Variants in KAT2A observed in about 807,000 individuals in gnomAD.
KAT2A encodes lysine acetyltransferase 2A, also known as histone acetyltransferase KAT2A.
A neutral mutation model predicts 95.2 loss-of-function variants in KAT2A; 42 were observed. That is an observed-to-expected ratio of 0.44 (90% CI 0.34 to 0.57). KAT2A has a LOEUF of 0.57. KAT2A is among the 20% of genes least tolerant of loss of function. KAT2A has a pLI of 0.01. For missense variants in KAT2A, 784 were observed against 1,126.3 expected (o/e 0.70, Z 4.35); for synonymous variants, 449 against 448.2 (o/e 1.00, Z -0.02).
Position 42,119,445 on chromosome 17 carries a change from G to C in KAT2A, c.882-9C>G. 1 of 1,601,874 alleles carries C rather than the reference G, an allele frequency of 6.2e-7. No homozygotes were observed. The highest frequency in any genetic ancestry group is 8.5e-7 in the Non-Finnish European group (1 of 1,171,214). On this transcript the variant is annotated splice_polypyrimidine_tract_variant and intron_variant, in intron 5 of 17. Transcript: ENST00000225916. This position sits in a 1 kb window ranked among gnomAD's most constrained non-coding sequence, Gnocchi z 5.3. The stretch of plus-strand genomic sequence containing the variant: ...GGCAGTAACAGAGCCATCTGGAGTA[G>C]GGGGTCGAGGGGGAGACAGGTGAGG...
In KAT2A at chr17:42,119,822, C is replaced by T. The variant is rs1361311206; in HGVS notation, c.700-104G>A. 3 of 1,085,900 alleles carry T rather than the reference C, an allele frequency of 2.8e-6. No individual in the cohort carries two copies. Among genetic ancestry groups the T allele is most frequent in the Non-Finnish European group, 4.0e-6 (3 of 756,386 alleles). The allele number at this position is 1,085,900 out of a possible 1,614,324, so 67.3% of individuals were successfully genotyped here. A position where few individuals can be genotyped will look rare whatever the true frequency, so the allele number is the denominator to read the frequency against. On this transcript the variant is annotated intron_variant, in intron 4 of 17. Coordinates refer to ENST00000225916, the MANE Select transcript of KAT2A (RefSeq NM_021078.3). The surrounding 1 kb of genome is among the most constrained non-coding windows in gnomAD (Gnocchi z 5.3). Reference sequence around the variant, plus strand: ...GCTCCCTGGCCAGGGACAAGGTTCTCCTTCTCCTCTCTCTCTCGGGTGCTC... The same window carrying T: ...GCTCCCTGGCCAGGGACAAGGTTCTTCTTCTCCTCTCTCTCTCGGGTGCTC...
intron 7 of KAT2A, 85 bp from the exon 8 acceptor site, chr17:42,118,102 G>A (rs2054287304): frequency 1.7e-6 from 1 of 572,814 alleles, no homozygotes; most frequent in Non-Finnish European, 2.5e-6. Context: ...TGAAGCTGAG[G>A]AGAGAGAGAG....
rs1402759298 is a variant in KAT2A, at chr17:42,119,159, A to G, written c.1073+86T>C. 6.6e-7 allele frequency: 1 copy of G among 1,524,236 alleles called. No individual in the cohort carries two copies. The highest frequency in any genetic ancestry group is 8.8e-7 in the Non-Finnish European group (1 of 1,134,912). 94.4% of individuals were successfully genotyped at this position (1,524,236 alleles called of 1,614,324 possible). A position where few individuals can be genotyped will look rare whatever the true frequency, so the allele number is the denominator to read the frequency against. ...GCCCATGGAGGGAGAGGAGGGACCA[A>G]TCCAGGAAGCCTTCCTGGAAAAAAG... On this transcript the variant is annotated intron_variant, in intron 6 of 17. Transcript: ENST00000225916. The surrounding 1 kb of genome is among the most constrained non-coding windows in gnomAD (Gnocchi z 5.3).
At position 42,117,511 on chromosome 17, in the gene KAT2A, C is replaced by T. The variant is rs1555666227; in HGVS notation, c.1514G>A (p.Gly505Asp). The T allele has an allele frequency of 1.2e-6, 2 of 1,613,688 alleles. No individual in the cohort carries two copies. Among genetic ancestry groups the T allele is most frequent in the Non-Finnish European group, 1.7e-6 (2 of 1,180,046 alleles). ...RRGIIEFHVIGNSLTPKANRR... is the reference protein window; with the variant it reads ...RRGIIEFHVIDNSLTPKANRR... The stretch of plus-strand genomic sequence containing the variant: ...GTTGGCCTTGGGCGTCAGTGAGTTG[C>T]CGATGACATGGAACTCGATGATGCC... The change falls in exon 10 of 18, where the codon GGC becomes GAC. Residue 505 changes from glycine (G) to aspartate (D), a missense_variant. Gly to Asp is a moderately conservative substitution (Grantham distance 94, BLOSUM62 -1). This residue lies in a region of KAT2A where 174 missense variants were observed against 324.9 expected (regional missense o/e 0.54). Transcript: ENST00000225916. This position sits in a 1 kb window ranked among gnomAD's most constrained non-coding sequence, Gnocchi z 8.9.
At position 42,118,170 on chromosome 17, in the gene KAT2A, G is replaced by C. The variant is rs544199161; in HGVS notation, c.1180+127C>G. On this transcript the variant is annotated intron_variant, in intron 7 of 17. Transcript: ENST00000225916. ...GAGAGAGAAGGCAGGGACTGGGGGG[G>C]CTGAAGCCGGTGGCAGGTCCCTCAG... 4.9e-6 allele frequency: 4 copies of C among 819,268 alleles called. No individual in the cohort carries two copies. The African/African-American group carries it at 5.1e-5, about 10-fold the overall frequency. 50.7% of individuals were successfully genotyped at this position (819,268 alleles called of 1,614,324 possible).
At chr17:42,115,687 G>T in intron 12 of KAT2A, 36 bp downstream of exon 12, 1 of 1,349,048 alleles carries the variant, frequency 7.4e-7, no homozygotes, top group Non-Finnish European at 1.1e-6. Context: ...CCAGCCTCCA[G>T]GCAAAGGACC....
intron 7 of KAT2A, 69 bp from the exon 8 acceptor site, chr17:42,118,086 G>A (rs1398778577): frequency 1.8e-5 from 19 of 1,038,886 alleles, no homozygotes; most frequent in South Asian, 7.5e-5. Context: ...AGTCAGGGAC[G>A]GGGGCTGAAG....
At position 42,119,519 on chromosome 17, in the gene KAT2A, G is replaced by T. The variant is rs374477366; in HGVS notation, c.881+18C>A. 4 of 1,582,808 alleles carry T rather than the reference G, an allele frequency of 2.5e-6. No homozygotes were observed. The highest frequency in any genetic ancestry group is 3.4e-6 in the Non-Finnish European group (4 of 1,161,262). ...GGGCCTGCAAGCCTCCCCCGAAGCT[G>T]CCCCTGGCTGGGCCTACCTGGTGTA... On this transcript the variant is annotated intron_variant, in intron 5 of 17. Transcript: ENST00000225916. This position sits in a 1 kb window ranked among gnomAD's most constrained non-coding sequence, Gnocchi z 5.3.
rs1242132230 is a variant in KAT2A, at chr17:42,120,485, A to G, written c.464-115T>C. On this transcript the variant is annotated intron_variant, in intron 2 of 17. Coordinates refer to ENST00000225916, the MANE Select transcript of KAT2A (RefSeq NM_021078.3). Reference sequence around the variant, plus strand: ...TCTGTTCCTCCAACCAGTGTGACCAACAGTGAGACTGACTGCTCCGATATC... The same window carrying G: ...TCTGTTCCTCCAACCAGTGTGACCAGCAGTGAGACTGACTGCTCCGATATC... The G allele has an allele frequency of 3.1e-6, 4 of 1,279,070 alleles. No homozygotes were observed. The African/African-American group carries it at 4.4e-5, about 14-fold the overall frequency. The allele number at this position is 1,279,070 out of a possible 1,614,324, so 79.2% of individuals were successfully genotyped here.
chr17:42,120,639 C>T (rs566038381), intron 2 of KAT2A, 67 bp downstream of exon 2: 2 of 1,580,206 alleles, frequency 1.3e-6, no homozygotes, highest in East Asian at 2.4e-5. Flanking sequence ...AGCTTTGTGG[C>T]ACTTGTCACC....
chr17:42,118,320 C>T lies in KAT2A; in HGVS notation c.1157G>A (p.Gly386Glu). The change falls in exon 7 of 18, where the codon GGG becomes GAG. Residue 386 changes from glycine to glutamate, a missense_variant. Around this residue, in one of 6 missense-constraint regions of KAT2A, gnomAD observed 63 missense variants for 70.1 expected, o/e 0.90. Coordinates refer to ENST00000225916, the MANE Select transcript of KAT2A (RefSeq NM_021078.3). Reference sequence around the variant, plus strand: ...ACCTGGCCGGGGAACCAGCTGTGTCCCCTCTGAGGGTGGCATGGTGAAGCC... The same window carrying T: ...ACCTGGCCGGGGAACCAGCTGTGTCTCCTCTGAGGGTGGCATGGTGAAGCC... ...ESGFTMPPSEGTQLVPRPASV... is the reference protein window; with the variant it reads ...ESGFTMPPSEETQLVPRPASV... 1.2e-6 allele frequency: 2 copies of T among 1,613,412 alleles called. No individual in the cohort carries two copies. The highest frequency in any genetic ancestry group is 1.7e-6 in the Non-Finnish European group (2 of 1,179,338).
rs782107549 is a variant in KAT2A, at chr17:42,119,445, G to A, written c.882-9C>T. 3.7e-6 allele frequency: 6 copies of A among 1,601,756 alleles called. No homozygotes were observed. Among genetic ancestry groups the A allele is most frequent in the Admixed American group, 1.7e-5 (1 of 59,230 alleles). On this transcript the variant is annotated splice_polypyrimidine_tract_variant and intron_variant, in intron 5 of 17. Coordinates refer to ENST00000225916, the MANE Select transcript of KAT2A (RefSeq NM_021078.3). This position sits in a 1 kb window ranked among gnomAD's most constrained non-coding sequence, Gnocchi z 5.3. Reference sequence around the variant, plus strand: ...GGCAGTAACAGAGCCATCTGGAGTAGGGGGTCGAGGGGGAGACAGGTGAGG... The same window carrying A: ...GGCAGTAACAGAGCCATCTGGAGTAAGGGGTCGAGGGGGAGACAGGTGAGG...
chr17:42,115,954 G>C (rs2054252790), intron 11 of KAT2A, 121 bp from the exon 12 acceptor site: 5 of 710,502 alleles, frequency 7.0e-6, no homozygotes, highest in African/African-American at 3.5e-5. Flanking sequence ...AGAGCATCCA[G>C]GCAAAGAGGA....
intron 7 of KAT2A, 90 bp from the exon 8 acceptor site, chr17:42,118,107 AG>A: frequency 1.3e-6 from 1 of 762,326 alleles, no homozygotes. Flanking sequence ...CTGAGGAGAG[AG>A]AGAGTCAGGG....
In KAT2A at chr17:42,117,637, G is replaced by A; in HGVS notation, c.1428+41C>T. Reference sequence around the variant, plus strand: ...GGGTGGTGAGCCGGGGTCTCAGGTTGGTGGGGGTCCCCCAACTGGTCAGCA... The same window carrying A: ...GGGTGGTGAGCCGGGGTCTCAGGTTAGTGGGGGTCCCCCAACTGGTCAGCA... On this transcript the variant is annotated intron_variant, in intron 9 of 17. Coordinates refer to ENST00000225916, the MANE Select transcript of KAT2A (RefSeq NM_021078.3). This position sits in a 1 kb window ranked among gnomAD's most constrained non-coding sequence, Gnocchi z 8.9. The A allele has an allele frequency of 6.2e-7, 1 of 1,606,272 alleles. No individual in the cohort carries two copies. Among genetic ancestry groups the A allele is most frequent in the Non-Finnish European group, 8.5e-7 (1 of 1,175,048 alleles).
Position 42,119,611 on chromosome 17 carries a change from C to T in KAT2A, c.807G>A (p.Lys269=). ...GCCGAAACTGGGCAGGTGTCTCAAG[C>T]TTCCAGTAGTTAAGGCAGAGCAAGA... The part of the protein sequence containing the change: ...KMFLLCLNYW[K]LETPAQFRQR... Residue 269 remains lysine (K), a synonymous_variant, in exon 5 of 18, where the codon AAG becomes AAA. Coordinates refer to ENST00000225916, the MANE Select transcript of KAT2A (RefSeq NM_021078.3). This position sits in a 1 kb window ranked among gnomAD's most constrained non-coding sequence, Gnocchi z 5.3. The T allele has an allele frequency of 2.5e-6, 4 of 1,614,022 alleles. No homozygotes were observed. Among genetic ancestry groups the T allele is most frequent in the Middle Eastern group, 3.3e-4 (2 of 6,062 alleles).
Position 42,114,250 on chromosome 17 carries a change from G to A in KAT2A, c.2204C>T (p.Thr735Ile). 1.2e-6 allele frequency: 2 copies of A among 1,607,794 alleles called. No individual in the cohort carries two copies. Among genetic ancestry groups the A allele is most frequent in the Non-Finnish European group, 1.7e-6 (2 of 1,176,206 alleles). ...KELKDPDQLY[T>I]TLKNLLAQIK... is the part of the protein sequence containing the mutation. Reference sequence around the variant, plus strand: ...TTGGGCCAGCAGGTTTTTGAGGGTTGTGTAGAGCTGGTCGGGGTCCTTCAG... The same window carrying A: ...TTGGGCCAGCAGGTTTTTGAGGGTTATGTAGAGCTGGTCGGGGTCCTTCAG... The change falls in exon 16 of 18, where the codon ACA becomes ATA. Residue 735 changes from threonine to isoleucine, a missense_variant. Around this residue, in one of 6 missense-constraint regions of KAT2A, gnomAD observed 195 missense variants for 247.1 expected, o/e 0.79. Coordinates refer to ENST00000225916, the MANE Select transcript of KAT2A (RefSeq NM_021078.3). This position sits in a 1 kb window ranked among gnomAD's most constrained non-coding sequence, Gnocchi z 6.0.
chr17:42,116,972 CG>C, intron 11 of KAT2A, 62 bp downstream of exon 11: 1 of 1,595,778 alleles, frequency 6.3e-7, no homozygotes, highest in Non-Finnish European at 8.6e-7. Context: ...CCTGCTGCTC[CG>C]AACTGGCCCA....
At chr17:42,118,118 G>A (rs2054288131) in intron 7 of KAT2A, 101 bp from the exon 8 acceptor site, 1 of 810,306 alleles carries the variant, frequency 1.2e-6, no homozygotes, top group Non-Finnish European at 2.0e-6. Context: ...GAGAGTCAGG[G>A]ACGGGGGTGC....
Sources: gnomAD v4.1 joint callset for allele counts on GRCh38, gnomAD v4.1.1 for gene constraint, gnomAD v4.1.1 regional missense constraint, Gnocchi (gnomAD v3.1) non-coding constraint, MANE v1.5 for transcripts, NCBI Gene and HGNC (gene_info 2026-07-23, HGNC 2026-07-21) for gene names.